Variants in BACE1 observed in about 807,000 individuals in gnomAD.
BACE1 encodes beta-secretase 1.
Under a neutral mutation model 54.0 loss-of-function variants are expected in BACE1, and 21 were observed. The ratio of observed to expected loss-of-function variants is 0.39; its 90% CI spans 0.28 to 0.56. The LOEUF (loss-of-function observed/expected upper bound fraction) is 0.56. BACE1 is among the 20% of genes least tolerant of loss of function. BACE1 has a pLI of 0.63. For missense variants in BACE1, 511 were observed against 661.2 expected, an observed-to-expected ratio of 0.77 and a Z score of 2.49; for synonymous variants, 232 against 260.9, an observed-to-expected ratio of 0.89 and a Z score of 1.07.
At chr11:117,289,897 G>T in intron 8 of BACE1, 90 bp from the exon 9 acceptor site, 1 of 1,185,552 alleles carries the variant, frequency 8.4e-7, no homozygotes, top group Non-Finnish European at 1.2e-6. Flanking sequence ...CTTGAAATTA[G>T]CCCATGCAGA....
At chr11:117,313,082 C>A (rs1392629620) in intron 1 of BACE1, among the ~76,000 whole-genome samples, 1 of 152,182 alleles carries the variant, frequency 6.6e-6, no homozygotes, top group Non-Finnish European at 1.5e-5. Flanking sequence ...GAATACAATG[C>A]CATCCAAGTT....
At chr11:117,295,706 C>T in intron 2 of BACE1, 1 of 1,475,608 alleles carries the variant, frequency 6.8e-7, no homozygotes, top group Non-Finnish European at 9.0e-7. Flanking sequence ...CGTCAAGCTC[C>T]CCGAGAAAAG....
chr11:117,297,036 C>A, intron 1 of BACE1, 75 bp from the exon 2 acceptor site: 1 of 1,102,952 alleles, frequency 9.1e-7, no homozygotes, highest in Non-Finnish European at 1.4e-6. Flanking sequence ...ATCCCTCACG[C>A]CCCAGCCACA....
rs1223820882 is a variant in BACE1, at chr11:117,293,850, C to T, written c.705+21G>A. 1 of 1,600,238 alleles carries T rather than the reference C, an allele frequency of 6.2e-7. No individual in the cohort carries two copies. Among genetic ancestry groups the T allele is most frequent in the East Asian group, 2.3e-5 (1 of 44,260 alleles). On this transcript the variant is annotated intron_variant, in intron 4 of 8. Transcript: ENST00000313005. This position sits in a 1 kb window ranked among gnomAD's most constrained non-coding sequence, Gnocchi z 4.1. Reference sequence around the variant, plus strand: ...TCTCTCCCTCAATGCCAGGACCTCCCCTCTCTGAGGACCTACTCACCATGC... The same window carrying T: ...TCTCTCCCTCAATGCCAGGACCTCCTCTCTCTGAGGACCTACTCACCATGC...
In BACE1 at chr11:117,315,489, T is replaced by C; in HGVS notation, c.261+46A>G. ...TGAGGCATCCCCATCCTGTCTCCCC[T>C]CTGCTCATGCAGGCGGAGGGCTAAG... On this transcript the variant is annotated intron_variant, in intron 1 of 8. Transcript: ENST00000313005. This position sits in a 1 kb window ranked among gnomAD's most constrained non-coding sequence, Gnocchi z 5.5. 1 of 1,557,258 alleles carries C rather than the reference T, an allele frequency of 6.4e-7. No homozygotes were observed. The highest frequency in any genetic ancestry group is 2.0e-5 in the Admixed American group (1 of 49,050).
At chr11:117,299,657 TG>T in intron 1 of BACE1, 2 of 405,706 alleles carry the variant, frequency 4.9e-6, no homozygotes, top group Non-Finnish European at 9.8e-6. Context: ...CCTCTACCCG[TG>T]GTCTCTCTCC....
At position 117,295,324 on chromosome 11, in the gene BACE1, CG is replaced by C; in HGVS notation, c.373del (p.Arg125GlyfsTer22). On this transcript the variant is annotated frameshift_variant, in exon 3 of 9. Transcript: ENST00000313005. LOFTEE classifies it high-confidence loss of function. ...GGTGTAGGGCACATACACACCCTTCCGGAGGTCCCGGTATGTGCTGGACCTG... is the reference window on the plus strand; with the variant it reads ...GGTGTAGGGCACATACACACCCTTCCGAGGTCCCGGTATGTGCTGGACCTG... The part of the protein sequence containing the change: ...RQLSSTYRDL[R>X]KGVYVPYTQG... 1.2e-6 allele frequency: 2 copies of C among 1,613,934 alleles called. No individual in the cohort carries two copies. Among genetic ancestry groups the C allele is most frequent in the Non-Finnish European group, 1.7e-6 (2 of 1,179,788 alleles).
In BACE1 at chr11:117,290,583, G is replaced by C; in HGVS notation, c.1169C>G (p.Thr390Arg). The change falls in exon 8 of 9, where the codon ACG becomes AGG. Residue 390 changes from threonine (T) to arginine (R), a missense_variant. Thr to Arg is a moderately conservative substitution (Grantham distance 71). Around this residue, in one of 2 missense-constraint regions of BACE1, gnomAD observed 407 missense variants for 565.7 expected, o/e 0.72. Coordinates refer to ENST00000313005, the MANE Select transcript of BACE1 (RefSeq NM_012104.6). ...GATAACAGCTCCCATAACAGTGCCC[G>C]TGGATGACTGTGAGATGGCAAACTT... ...CYKFAISQSS[T>R]GTVMGAVIME... The C allele has an allele frequency of 6.2e-7, 1 of 1,614,236 alleles. No individual in the cohort carries two copies. The highest frequency in any genetic ancestry group is 1.3e-5 in the African/African-American group (1 of 75,052).
At chr11:117,307,411 A>G (rs1026745495) in intron 1 of BACE1, among the ~76,000 whole-genome samples, 17 of 152,186 alleles carry the variant, frequency 1.1e-4, no homozygotes, top group African/African-American at 3.9e-4. Context: ...TCCTGGGTTC[A>G]AGCGATTCTC....
chr11:117,308,952 AAAAC>A (rs1012901828), intron 1 of BACE1, among the ~76,000 whole-genome samples: 14 of 152,092 alleles, frequency 9.2e-5, no homozygotes, highest in South Asian at 2.1e-4. Context: ...ACTCCATCTC[AAAAC>A]AAACAAACAA....
At chr11:117,295,011 A>T in intron 3 of BACE1, 120 bp downstream of exon 3, 1 of 1,060,264 alleles carries the variant, frequency 9.4e-7, no homozygotes, top group Non-Finnish European at 1.4e-6. Context: ...TACCCCTGTT[A>T]AATAATCCTT....
intron 6 of BACE1, 85 bp from the exon 7 acceptor site, chr11:117,291,134 C>T: frequency 6.7e-7 from 1 of 1,491,598 alleles, no homozygotes; most frequent in Non-Finnish European, 9.1e-7. Flanking sequence ...TAACTGGGCC[C>T]TTCATTTGCT....
At chr11:117,296,398 T>G (rs2034600733) in intron 2 of BACE1, among the ~76,000 whole-genome samples, 1 of 152,130 alleles carries the variant, frequency 6.6e-6, no homozygotes, top group East Asian at 1.9e-4. Context: ...AAAGACCCTT[T>G]CCTTCATGTC....
chr11:117,305,485 T>C (rs2034809708), intron 1 of BACE1, among the ~76,000 whole-genome samples: 1 of 152,024 alleles, frequency 6.6e-6, no homozygotes, highest in Non-Finnish European at 1.5e-5. Context: ...TAGCTGGCCA[T>C]TGGTACCTGG....
intron 1 of BACE1, among the ~76,000 whole-genome samples, chr11:117,304,925 C>T (rs2034797040): frequency 6.6e-6 from 1 of 150,928 alleles, no homozygotes; most frequent in South Asian, 2.1e-4. Flanking sequence ...GCCTCATTCC[C>T]TGCAGTTAAT....
At position 117,289,704 on chromosome 11, in the gene BACE1, C is replaced by A. The variant is rs773495753; in HGVS notation, c.1368G>T (p.Met456Ile). The A allele has an allele frequency of 8.7e-6, 14 of 1,614,148 alleles. No individual in the cohort carries two copies. The South Asian group carries it at 1.5e-4, about 18-fold the overall frequency. The part of the protein sequence containing the change: ...NIPQTDESTL[M>I]TIAYVMAAIC... ...TGGCAGCCATGACATAGGCTATGGT[C>A]ATGAGGGTTGACTCATCTGTCTGTG... The change falls in exon 9 of 9, where the codon ATG becomes ATT. Residue 456 changes from methionine (M) to isoleucine (I), a missense_variant. By Grantham distance (10) the Met-to-Ile change is conservative. Transcript: ENST00000313005.
chr11:117,291,649 G>T, intron 6 of BACE1, 63 bp downstream of exon 6: 1 of 1,215,534 alleles, frequency 8.2e-7, no homozygotes, highest in Non-Finnish European at 1.2e-6. Flanking sequence ...TGAAGAATGT[G>T]ACTCTCACCG....
At chr11:117,291,868 T>C in intron 5 of BACE1, 55 bp from the exon 6 acceptor site, 1 of 1,388,474 alleles carries the variant, frequency 7.2e-7, no homozygotes. Flanking sequence ...TGCTGGGCTC[T>C]GGGCAGTAGG....
At chr11:117,297,781 C>T (rs2034638354) in intron 1 of BACE1, among the ~76,000 whole-genome samples, 1 of 152,180 alleles carries the variant, frequency 6.6e-6, no homozygotes, top group Non-Finnish European at 1.5e-5. Flanking sequence ...TTAAACATGT[C>T]AGACTTTCAG....
Sources: gnomAD v4.1 joint callset for allele counts (sites outside exome capture counted in the v4.1 genomes callset) on GRCh38, gnomAD v4.1.1 for gene constraint, gnomAD v4.1.1 regional missense constraint, Gnocchi (gnomAD v3.1) non-coding constraint, MANE v1.5 for transcripts, NCBI Gene and HGNC (gene_info 2026-07-23, HGNC 2026-07-21) for gene names.